Variants in DAB1 observed in about 807,000 individuals in gnomAD.
DAB1 encodes disabled homolog 1.
DAB1 carries 15 observed loss-of-function variants against 64.6 expected under a neutral mutation model. That is an observed-to-expected ratio of 0.23 (90% CI 0.16 to 0.36). The LOEUF (loss-of-function observed/expected upper bound fraction) is 0.36, where lower values mean the gene tolerates loss of function less well. Among genes scored for constraint, DAB1 ranks in the 10% least tolerant of loss-of-function variants. DAB1 has a pLI of 1.00. For missense variants in DAB1, 596 were observed against 706.7 expected, an observed-to-expected ratio of 0.84 and a Z score of 1.78; for synonymous variants, 235 against 251.9, an observed-to-expected ratio of 0.93 and a Z score of 0.64.
intron 1 of DAB1, among the ~76,000 whole-genome samples, chr1:57,292,089 G>T (rs145096529): frequency 1.9e-3 from 284 of 152,200 alleles, no homozygotes; most frequent in South Asian, 3.5e-3. Flanking sequence ...AAAATATTAA[G>T]AAAAAGCTAT....
intron 2 of DAB1, among the ~76,000 whole-genome samples, chr1:57,276,452 T>C (rs949490663): frequency 1.3e-5 from 2 of 152,246 alleles, no homozygotes; most frequent in African/African-American, 4.8e-5. Flanking sequence ...CTATTTAACA[T>C]AGAATACTGT....
chr1:57,491,418 A>G (rs1644163214), intron 7 of DAB1, among the ~76,000 whole-genome samples: 1 of 152,120 alleles, frequency 6.6e-6, no homozygotes, highest in South Asian at 2.1e-4. Context: ...ACAGAGCGAG[A>G]CTCCATCTCA....
intron 1 of DAB1, among the ~76,000 whole-genome samples, chr1:58,535,118 A>G (rs1224118561): frequency 6.6e-6 from 1 of 152,214 alleles, no homozygotes; most frequent in South Asian, 2.1e-4. Context: ...GATTGAAAGG[A>G]AATTACTGAA....
At chr1:58,071,827 G>T (rs1364338024) in intron 5 of DAB1, among the ~76,000 whole-genome samples, 4 of 152,072 alleles carry the variant, frequency 2.6e-5, no homozygotes, top group Admixed American at 2.6e-4. Flanking sequence ...ATTGACAATT[G>T]ATTAATTAAC....
At chr1:57,723,368 G>A (rs750592211) in intron 6 of DAB1, among the ~76,000 whole-genome samples, 4 of 151,988 alleles carry the variant, frequency 2.6e-5, no homozygotes, top group Admixed American at 6.6e-5. Context: ...TTTCTGATAC[G>A]CCTGTTTATG....
intron 4 of DAB1, among the ~76,000 whole-genome samples, chr1:58,283,641 G>A (rs902445344): frequency 2.6e-5 from 4 of 152,228 alleles, no homozygotes; most frequent in Non-Finnish European, 4.4e-5. Context: ...TTCCTCGGCT[G>A]TAAAACATGA....
chr1:57,665,181 A>G (rs933124366), intron 6 of DAB1, among the ~76,000 whole-genome samples: 1 of 152,138 alleles, frequency 6.6e-6, no homozygotes, highest in African/African-American at 2.4e-5. Context: ...TGATACCTCA[A>G]TATAAATGAA....
intron 5 of DAB1, among the ~76,000 whole-genome samples, chr1:57,912,703 C>T (rs1426709392): frequency 1.3e-5 from 2 of 152,124 alleles, no homozygotes; most frequent in Admixed American, 6.5e-5. Context: ...CCCATCGTCT[C>T]GGCCCAAAAT....
At chr1:57,498,790 T>A (rs868572857) in intron 7 of DAB1, among the ~76,000 whole-genome samples, 4 of 152,186 alleles carry the variant, frequency 2.6e-5, no homozygotes, top group Middle Eastern at 6.8e-3. Flanking sequence ...GGAAGGAAGT[T>A]TATTTATTGA....
rs375681788 is a variant in DAB1 at position 58,053,095 on chromosome 1, G to A, written n.387+97416C>T. Among the ~76,000 whole-genome samples, 372 of 152,188 alleles carry A rather than the reference G, an allele frequency of 2.4e-3. 12 individuals are homozygous for A. The South Asian group carries it at 0.073, about 30-fold the overall frequency. ...AGAACTTACTCACTTCCAAAAAATG[G>A]CTTAATCTATTCATGAGGGATCCAC... On this transcript the variant is annotated intron_variant and non_coding_transcript_variant, in intron 5 of 20. Transcript: ENST00000485760.
At chr1:57,016,680 G>A (rs1433423440) in intron 11 of DAB1, among the ~76,000 whole-genome samples, 1 of 147,626 alleles carries the variant, frequency 6.8e-6, no homozygotes, top group Non-Finnish European at 1.5e-5. Flanking sequence ...CCCACATCCT[G>A]TACTCACACG....
intron 4 of DAB1, among the ~76,000 whole-genome samples, chr1:58,171,346 G>A (rs1234301342): frequency 6.6e-6 from 1 of 152,172 alleles, no homozygotes; most frequent in Non-Finnish European, 1.5e-5. Flanking sequence ...AAGGATTACA[G>A]GATATTGTTA....
At chr1:57,229,465 G>A (rs972804652) in intron 2 of DAB1, among the ~76,000 whole-genome samples, 4 of 151,632 alleles carry the variant, frequency 2.6e-5, no homozygotes, top group Admixed American at 6.6e-5. Context: ...AAAAGGCTGG[G>A]ATTACAGACG....
chr1:58,051,179 C>T (rs1363642972), intron 5 of DAB1, among the ~76,000 whole-genome samples: 1 of 152,008 alleles, frequency 6.6e-6, no homozygotes, highest in Non-Finnish European at 1.5e-5. Context: ...GGTATTTCTC[C>T]TAATGCTATT....
At chr1:58,232,597 G>A (rs764819895) in intron 4 of DAB1, among the ~76,000 whole-genome samples, 1 of 151,892 alleles carries the variant, frequency 6.6e-6, no homozygotes, top group African/African-American at 2.4e-5. Context: ...GGAGAAGGAT[G>A]TTAAACATGG....
At chr1:57,302,273 C>T (rs189728053) in intron 1 of DAB1, among the ~76,000 whole-genome samples, 10 of 152,048 alleles carry the variant, frequency 6.6e-5, no homozygotes, top group East Asian at 5.8e-4. Context: ...TTGTTGTTTC[C>T]GGATTTGTGA....
At chr1:57,222,448 G>C (rs1021270368) in intron 2 of DAB1, among the ~76,000 whole-genome samples, 2 of 152,178 alleles carry the variant, frequency 1.3e-5, no homozygotes, top group African/African-American at 4.8e-5. Context: ...GCTCAGCTGA[G>C]CTCAGGACTC....
intron 7 of DAB1, among the ~76,000 whole-genome samples, chr1:57,620,819 C>T (rs1208358241): frequency 1.3e-5 from 2 of 152,130 alleles, no homozygotes; most frequent in South Asian, 2.1e-4. Flanking sequence ...GGGGGCAGCG[C>T]GGCAGACACA....
intron 4 of DAB1, among the ~76,000 whole-genome samples, chr1:57,074,069 C>T (rs929086280): frequency 5.3e-5 from 8 of 152,070 alleles, no homozygotes; most frequent in Non-Finnish European, 1.0e-4. Context: ...GGGGTTTCAC[C>T]ATGTTGCCCA....
Sources: gnomAD v4.1 joint callset for allele counts (sites outside exome capture counted in the v4.1 genomes callset) on GRCh38, gnomAD v4.1.1 for gene constraint, MANE v1.5 for transcripts, NCBI Gene and HGNC (gene_info 2026-07-23, HGNC 2026-07-21) for gene names.